FAM107B: variants seen among roughly 807,000 people sequenced by gnomAD.
FAM107B encodes family with sequence similarity 107 member B, also known as protein FAM107B.
Under a neutral mutation model 31.5 loss-of-function variants are expected in FAM107B, and 21 were observed. The observed-to-expected ratio is 0.67, with a 90% CI of 0.47 to 0.96. FAM107B has a LOEUF of 0.96. Among genes scored for constraint, FAM107B ranks in the 40% least tolerant of loss-of-function variants. FAM107B has a pLI of 0.00. For synonymous variants in FAM107B, 157 were observed against 141.5 expected (o/e 1.11, Z -0.78); for missense variants, 452 against 377.1 (o/e 1.20, Z -1.64).
chr10:14,537,898 T>A (rs370038603), intron 2 of FAM107B, among the ~76,000 whole-genome samples: 2 of 150,698 alleles, frequency 1.3e-5, no homozygotes, highest in Non-Finnish European at 2.9e-5. Flanking sequence ...AAGCCTTCAA[T>A]AGACATCACC....
chr10:14,744,987 G>T (rs1043246525), intron 1 of FAM107B, among the ~76,000 whole-genome samples: 7 of 152,110 alleles, frequency 4.6e-5, no homozygotes, highest in African/African-American at 1.2e-4. Context: ...TTCAGAACTT[G>T]TTATTGGTCT....
In FAM107B at chr10:14,704,269, C is replaced by CTGTGTGTGTGTGTG. The variant is rs113899632; in HGVS notation, c.412-36592_412-36579dup. On this transcript the variant is annotated intron_variant, in intron 1 of 4. Transcript: ENST00000181796. Reference sequence around the variant, plus strand: ...ATTGTAAAGGTTTAGGTAAATTGCTCTGTGTGTGTGTGTGTGTGTGTGTGT... The same window carrying CTGTGTGTGTGTGTG: ...ATTGTAAAGGTTTAGGTAAATTGCTCTGTGTGTGTGTGTGTGTGTGTGTGTGTGTGTGTGTGTGT... Among the ~76,000 whole-genome samples, 1,203 of 148,198 alleles carry CTGTGTGTGTGTGTG rather than the reference C, an allele frequency of 8.1e-3. 8 individuals carry two copies. The highest frequency in any genetic ancestry group is 7.7e-3 in the Non-Finnish European group (511 of 66,738).
intron 1 of FAM107B, chr10:14,723,861 A>C: frequency 1.3e-6 from 1 of 754,760 alleles, no homozygotes; most frequent in Non-Finnish European, 2.4e-6. Context: ...CAATGGCAAC[A>C]ACGGCATGAA....
At chr10:14,658,657 A>C (rs1799764049) in intron 2 of FAM107B, among the ~76,000 whole-genome samples, 1 of 152,248 alleles carries the variant, frequency 6.6e-6, no homozygotes, top group Non-Finnish European at 1.5e-5. Flanking sequence ...TTTCTGACTC[A>C]TCTGCTTCAC....
intron 2 of FAM107B, among the ~76,000 whole-genome samples, chr10:14,608,685 T>C (rs1852653804): frequency 6.6e-6 from 1 of 152,222 alleles, no homozygotes; most frequent in African/African-American, 2.4e-5. Context: ...GTAAGGCCCC[T>C]GGAGCTCTAG....
chr10:14,762,592 TAAAA>T (rs1370048171), intron 1 of FAM107B, among the ~76,000 whole-genome samples: 3,072 of 151,660 alleles, frequency 0.02, 113 homozygotes, highest in African/African-American at 0.071. Flanking sequence ...CTGTCTCTAC[TAAAA>T]AGTACATAAA....
intron 1 of FAM107B, among the ~76,000 whole-genome samples, chr10:14,732,055 G>A (rs141839760): frequency 6.2e-4 from 94 of 152,230 alleles, no homozygotes; most frequent in Admixed American, 1.9e-3. Context: ...TCCCACCTGC[G>A]GTCCCAATGT....
At chr10:14,768,891 C>T (rs557097195) in intron 1 of FAM107B, among the ~76,000 whole-genome samples, 1 of 152,206 alleles carries the variant, frequency 6.6e-6, no homozygotes, top group Non-Finnish European at 1.5e-5. Flanking sequence ...CTATCTCTCA[C>T]CTCATCTTCC....
At chr10:14,700,827 CA>C (rs1159035034) in intron 1 of FAM107B, among the ~76,000 whole-genome samples, 249 of 75,984 alleles carry the variant, frequency 3.3e-3, no homozygotes, top group Middle Eastern at 8.5e-3. Flanking sequence ...TGGCAAGAGG[CA>C]AAAAAAAAAA....
intron 1 of FAM107B, among the ~76,000 whole-genome samples, chr10:14,771,355 G>A (rs1038314209): frequency 6.6e-6 from 1 of 152,190 alleles, no homozygotes; most frequent in African/African-American, 2.4e-5. Context: ...ATCATTAAGA[G>A]GAGTTGGTTA....
Position 14,774,261 on chromosome 10 carries a change from T to C in FAM107B, c.403A>G (p.Thr135Ala). 7 of 1,608,504 alleles carry C rather than the reference T, an allele frequency of 4.4e-6. No homozygotes were observed. Among genetic ancestry groups the C allele is most frequent in the Non-Finnish European group, 6.0e-6 (7 of 1,175,992 alleles). Residue 135 changes from threonine (T) to alanine (A), a missense_variant, in exon 1 of 5, where the codon ACG (threonine) becomes GCG (alanine). By Grantham distance (58) the Thr-to-Ala change is moderately conservative. Coordinates refer to ENST00000181796, the MANE Select transcript of FAM107B (RefSeq NM_031453.4). ...ASIPRPSIID[T>A]PKEEEFREEP... ...AGCGAACACTCACTCACCTTGGGCG[T>C]GTCAATAATTGATGGTCTGGGGATG...
At chr10:14,622,323 T>TG (rs1853033318) in intron 2 of FAM107B, among the ~76,000 whole-genome samples, 1 of 151,352 alleles carries the variant, frequency 6.6e-6, no homozygotes, top group Non-Finnish European at 1.5e-5. Flanking sequence ...TTTTTTTTTT[T>TG]TTGAGATGGA....
At chr10:14,596,516 T>C (rs7922388) in intron 2 of FAM107B, among the ~76,000 whole-genome samples, 145,675 of 152,190 alleles carry the variant, frequency 0.96, 70,032 homozygotes, top group East Asian at 1. Flanking sequence ...CCATGCCTGG[T>C]CACATATAAG....
chr10:14,581,387 G>A (rs1218878964), intron 2 of FAM107B, among the ~76,000 whole-genome samples: 1 of 152,308 alleles, frequency 6.6e-6, no homozygotes, highest in East Asian at 1.9e-4. Context: ...GCTGGAACCC[G>A]GGTCAGGCTC....
chr10:14,722,451 AT>A (rs1210622323), intron 1 of FAM107B, among the ~76,000 whole-genome samples: 1 of 152,124 alleles, frequency 6.6e-6, no homozygotes, highest in African/African-American at 2.4e-5. Context: ...GTTGATGGCT[AT>A]TGGGTTGTTC....
At chr10:14,687,113 T>C (rs534886003) in intron 1 of FAM107B, among the ~76,000 whole-genome samples, 1 of 152,320 alleles carries the variant, frequency 6.6e-6, no homozygotes, top group East Asian at 1.9e-4. Flanking sequence ...AAAACAAAAG[T>C]TGTTTTCTAA....
intron 1 of FAM107B, among the ~76,000 whole-genome samples, chr10:14,669,415 T>A (rs1348271185): frequency 2.9e-5 from 4 of 139,826 alleles, no homozygotes; most frequent in African/African-American, 7.9e-5. Context: ...TCGAAGGAAA[T>A]CAGTATATCA....
At chr10:14,751,210 C>T (rs961332233) in intron 1 of FAM107B, among the ~76,000 whole-genome samples, 2 of 152,248 alleles carry the variant, frequency 1.3e-5, no homozygotes, top group African/African-American at 4.8e-5. Context: ...CCACCCCAGC[C>T]TCCCCAAGGA....
chr10:14,646,477 C>T (rs1462876240), intron 2 of FAM107B, among the ~76,000 whole-genome samples: 1 of 152,212 alleles, frequency 6.6e-6, no homozygotes, highest in Non-Finnish European at 1.5e-5. Context: ...TGGCCTCCAG[C>T]TCCATCAAAG....
Sources: gnomAD v4.1 joint callset for allele counts (sites outside exome capture counted in the v4.1 genomes callset) on GRCh38, gnomAD v4.1.1 for gene constraint, MANE v1.5 for transcripts, NCBI Gene and HGNC (gene_info 2026-07-23, HGNC 2026-07-21) for gene names.